Variants in REDIC1 observed in about 807,000 individuals in gnomAD.
REDIC1 encodes regulator of DNA class I crossover intermediates 1, also known as HEI10 Interacting Protein 1.
the REDIC1 span, chr12:39,716,703 G>T: frequency 7.6e-7 from 1 of 1,313,704 alleles, no homozygotes; most frequent in South Asian, 1.3e-5. Context: ...GCATATGTAT[G>T]TTGTAGATTA....
chr12:39,685,578 G>T, the REDIC1 span, among the ~76,000 whole-genome samples: 1 of 152,056 alleles, frequency 6.6e-6, no homozygotes, highest in Non-Finnish European at 1.5e-5. Context: ...CAACACTCAG[G>T]ATTATAATTT....
chr12:39,643,246 T>G, the REDIC1 span, among the ~76,000 whole-genome samples: 1 of 151,664 alleles, frequency 6.6e-6, no homozygotes. Context: ...AAGTGATAAT[T>G]ATGTGCAAGT....
the REDIC1 span, among the ~76,000 whole-genome samples, chr12:39,715,791 C>T: frequency 7.2e-5 from 11 of 151,986 alleles, no homozygotes; most frequent in African/African-American, 2.6e-4. Context: ...AATTTCTTCC[C>T]TTCTGATCAT....
the REDIC1 span, among the ~76,000 whole-genome samples, chr12:39,899,358 G>T: frequency 6.6e-6 from 1 of 152,058 alleles, no homozygotes; most frequent in African/African-American, 2.4e-5. Context: ...GCATCTATTT[G>T]ATTCTCCTCT....
chr12:39,712,388 A>G, the REDIC1 span, among the ~76,000 whole-genome samples: 1,600 of 132,250 alleles, frequency 0.012, 54 homozygotes, highest in African/African-American at 0.041. Context: ...ACCTATATAT[A>G]TACCTGTATG....
chr12:39,747,384 T>C, the REDIC1 span, among the ~76,000 whole-genome samples: 1 of 151,592 alleles, frequency 6.6e-6, no homozygotes, highest in Non-Finnish European at 1.5e-5. Context: ...GAAAAAAGAG[T>C]AAAAAGAAAT....
the REDIC1 span, among the ~76,000 whole-genome samples, chr12:39,635,238 T>A: frequency 6.6e-6 from 1 of 152,188 alleles, no homozygotes; most frequent in African/African-American, 2.4e-5. Context: ...AGTGTGGCGA[T>A]TCCTCAAGGA....
chr12:39,632,376 G>T, the REDIC1 span, among the ~76,000 whole-genome samples: 1 of 152,108 alleles, frequency 6.6e-6, no homozygotes, highest in African/African-American at 2.4e-5. Context: ...GGGATTATAG[G>T]CATGAGCCAC....
chr12:39,692,480 G>A, the REDIC1 span, among the ~76,000 whole-genome samples: 1 of 150,978 alleles, frequency 6.6e-6, no homozygotes, highest in Non-Finnish European at 1.5e-5. Context: ...CTTTTTAACT[G>A]CTTTATTTTG....
At chr12:39,699,645 G>T in the REDIC1 span, among the ~76,000 whole-genome samples, 3 of 151,418 alleles carry the variant, frequency 2.0e-5, no homozygotes, top group African/African-American at 7.4e-5. Context: ...ACCTCTGGGG[G>T]CAGGGCACAA....
the REDIC1 span, among the ~76,000 whole-genome samples, chr12:39,664,915 A>G: frequency 6.6e-6 from 1 of 151,684 alleles, no homozygotes; most frequent in Non-Finnish European, 1.5e-5. Context: ...CCCCTTTTTG[A>G]TGCGGTTGTT....
the REDIC1 span, chr12:39,647,826 C>A: frequency 5.0e-6 from 8 of 1,601,720 alleles, no homozygotes; most frequent in Non-Finnish European, 6.8e-6. Flanking sequence ...ATGCTTCACC[C>A]TCAGTTCAGC....
the REDIC1 span, among the ~76,000 whole-genome samples, chr12:39,860,490 A>G: frequency 1.3e-5 from 2 of 152,182 alleles, no homozygotes; most frequent in Non-Finnish European, 2.9e-5. Flanking sequence ...TCTTCATTCT[A>G]GAACTCTCCT....
the REDIC1 span, among the ~76,000 whole-genome samples, chr12:39,896,013 T>C: frequency 6.8e-6 from 1 of 146,372 alleles, no homozygotes; most frequent in African/African-American, 2.6e-5. Flanking sequence ...TATACATGTG[T>C]ATATGTATAC....
the REDIC1 span, among the ~76,000 whole-genome samples, chr12:39,693,493 C>T: frequency 2.0e-5 from 3 of 150,760 alleles, no homozygotes; most frequent in African/African-American, 7.3e-5. Context: ...TATATAAACA[C>T]GTAAATACCC....
chr12:39,881,514 T>C, the REDIC1 span, among the ~76,000 whole-genome samples: 1 of 152,292 alleles, frequency 6.6e-6, no homozygotes, highest in South Asian at 2.1e-4. Context: ...CTCAATTATC[T>C]GCTTATTTCA....
At chr12:39,701,449 G>A in the REDIC1 span, among the ~76,000 whole-genome samples, 1 of 152,190 alleles carries the variant, frequency 6.6e-6, no homozygotes, top group Non-Finnish European at 1.5e-5. Context: ...AGATTCCTGA[G>A]TGACCTACAA....
At chr12:39,647,898 A>AT in the REDIC1 span, 1 of 1,607,504 alleles carries the variant, frequency 6.2e-7, no homozygotes. Context: ...TCTAACAGAC[A>AT]TATTTCAAAA....
the REDIC1 span, among the ~76,000 whole-genome samples, chr12:39,753,985 G>A: frequency 6.6e-6 from 1 of 152,102 alleles, no homozygotes; most frequent in African/African-American, 2.4e-5. Flanking sequence ...TTTGACAAGA[G>A]TCTCTAAATG....
Sources: gnomAD v4.1 joint callset for allele counts (sites outside exome capture counted in the v4.1 genomes callset) on GRCh38, gnomAD v4.1.1 for gene constraint, MANE v1.5 for transcripts, NCBI Gene and HGNC (gene_info 2026-07-23, HGNC 2026-07-21) for gene names.